PCDH15: variants seen among roughly 807,000 people sequenced by gnomAD.
PCDH15 encodes the protein protocadherin-15.
In PCDH15, 129 loss-of-function variants were observed where a neutral mutation model predicts 178.5. That is an observed-to-expected ratio of 0.72 (90% CI 0.63 to 0.84). The LOEUF (loss-of-function observed/expected upper bound fraction) is 0.84, where lower values mean the gene tolerates loss of function less well. PCDH15 is among the 40% of genes least tolerant of loss of function. The pLI is 0.00. For synonymous variants in PCDH15, 800 were observed against 732.0 expected, an observed-to-expected ratio of 1.09 and a Z score of -1.50; for missense variants, 2,230 against 2,099.9, an observed-to-expected ratio of 1.06 and a Z score of -1.21.
At chr10:55,611,705 C>G (rs905166780) in intron 2 of PCDH15, among the ~76,000 whole-genome samples, 2 of 152,000 alleles carry the variant, frequency 1.3e-5, no homozygotes, top group African/African-American at 4.8e-5. Context: ...TCAACACTTC[C>G]ATGTTCATTG....
At chr10:54,648,451 C>T (rs1267200287) in intron 2 of PCDH15, among the ~76,000 whole-genome samples, 1 of 152,104 alleles carries the variant, frequency 6.6e-6, no homozygotes, top group Non-Finnish European at 1.5e-5. Context: ...ATGAGATTTT[C>T]ATCTGTTTTG....
rs529144156 is a variant in PCDH15 at position 54,423,208 on chromosome 10, G to C, written c.158-44266C>G. 1.1e-4 allele frequency among the ~76,000 whole-genome samples: 17 copies of C among 152,162 alleles called. No homozygotes were observed. The East Asian group carries it at 3.3e-3, about 29-fold the overall frequency. On this transcript the variant is annotated intron_variant, in intron 3 of 37. Transcript: ENST00000644397. ...AGGGATTGACTTACCCAAACCAGAT[G>C]CTCCCCCTGCCAGCAGATCACTAGG...
intron 2 of PCDH15, among the ~76,000 whole-genome samples, chr10:55,556,700 G>A (rs1240458220): frequency 1.3e-5 from 2 of 152,082 alleles, no homozygotes; most frequent in Non-Finnish European, 1.5e-5. Flanking sequence ...TTATTTGGAT[G>A]TGGTGGCGCG....
chr10:54,314,659 T>G (rs1199530655), intron 8 of PCDH15, among the ~76,000 whole-genome samples: 2 of 152,086 alleles, frequency 1.3e-5, no homozygotes, highest in Non-Finnish European at 2.9e-5. Context: ...TACCCAATAG[T>G]CATCTTTTCT....
intron 1 of PCDH15, among the ~76,000 whole-genome samples, chr10:54,692,670 C>T (rs2095143489): frequency 7.6e-5 from 1 of 13,196 alleles, no homozygotes; most frequent in South Asian, 2.0e-3. Flanking sequence ...ATCCTTAAGC[C>T]ATTCTTAAAC....
At chr10:54,270,924 A>G (rs1488860500) in intron 8 of PCDH15, among the ~76,000 whole-genome samples, 4 of 152,174 alleles carry the variant, frequency 2.6e-5, no homozygotes, top group Admixed American at 1.3e-4. Context: ...TCAGATGGCA[A>G]TGGCTGCACT....
intron 20 of PCDH15, among the ~76,000 whole-genome samples, chr10:54,008,204 G>A (rs1202071595): frequency 2.0e-5 from 3 of 152,156 alleles, no homozygotes; most frequent in Non-Finnish European, 4.4e-5. Context: ...TAAATGTTAA[G>A]TTTTGCTTTA....
At chr10:55,254,406 C>T (rs1372538636) in intron 1 of PCDH15, among the ~76,000 whole-genome samples, 1 of 152,118 alleles carries the variant, frequency 6.6e-6, no homozygotes, top group African/African-American at 2.4e-5. Context: ...TCAATTACAG[C>T]AGCATCTAGA....
At chr10:54,866,197 T>G (rs1381452810) in intron 3 of PCDH15, among the ~76,000 whole-genome samples, 1 of 152,226 alleles carries the variant, frequency 6.6e-6, no homozygotes, top group African/African-American at 2.4e-5. Context: ...AAATTAGAAC[T>G]TTAATTCAAA....
chr10:54,869,437 T>C (rs1953996251), intron 3 of PCDH15, among the ~76,000 whole-genome samples: 1 of 152,138 alleles, frequency 6.6e-6, no homozygotes, highest in Non-Finnish European at 1.5e-5. Flanking sequence ...GGAAAAGTAA[T>C]ATTTGTTAAT....
chr10:54,299,967 T>C (rs185038332), intron 8 of PCDH15, among the ~76,000 whole-genome samples: 2 of 152,222 alleles, frequency 1.3e-5, no homozygotes, highest in African/African-American at 4.8e-5. Context: ...AAGTTAACAG[T>C]GTAATATGTA....
At position 54,345,960 on chromosome 10, in the gene PCDH15, G is replaced by A. The variant is rs145631582; in HGVS notation, c.594+405C>T. On this transcript the variant is annotated intron_variant, in intron 6 of 37. Transcript: ENST00000644397. Reference sequence around the variant, plus strand: ...ACTGGTGGACGGCTAGAAGTTTAAAGGCTTATCAACTCCAGCAATACTTGG... The same window carrying A: ...ACTGGTGGACGGCTAGAAGTTTAAAAGCTTATCAACTCCAGCAATACTTGG... Among the ~76,000 whole-genome samples the A allele has an allele frequency of 5.3e-5, 8 of 152,114 alleles. No individual in the cohort carries two copies. The East Asian group carries it at 9.7e-4, about 18-fold the overall frequency.
intron 18 of PCDH15, among the ~76,000 whole-genome samples, chr10:54,052,981 C>T (rs911729969): frequency 1.3e-5 from 2 of 152,154 alleles, no homozygotes; most frequent in Admixed American, 6.5e-5. Context: ...CATTTGCTTC[C>T]TCTTCCACCA....
At chr10:54,942,027 C>T (rs1255053089) in intron 2 of PCDH15, among the ~76,000 whole-genome samples, 1 of 152,134 alleles carries the variant, frequency 6.6e-6, no homozygotes, top group East Asian at 1.9e-4. Flanking sequence ...TTATTTTTGA[C>T]AATACTCTGG....
At chr10:53,828,515 C>T in intron 31 of PCDH15, 50 bp downstream of exon 31, 1 of 1,455,552 alleles carries the variant, frequency 6.9e-7, no homozygotes, top group South Asian at 1.1e-5. Context: ...TCTCGGGTTT[C>T]TCTTTTCCTA....
chr10:54,753,900 T>TG (rs1232313591), intron 1 of PCDH15, among the ~76,000 whole-genome samples: 4 of 38,266 alleles, frequency 1.0e-4, no homozygotes, highest in African/African-American at 1.7e-4. Context: ...TTGTGTTTTT[T>TG]TTTTTTTTTT....
intron 3 of PCDH15, among the ~76,000 whole-genome samples, chr10:54,403,000 C>T (rs763879327): frequency 1.3e-5 from 2 of 151,978 alleles, no homozygotes; most frequent in South Asian, 2.1e-4. Flanking sequence ...CGCTAGACAT[C>T]GTGCATCCAA....
At chr10:54,797,347 T>G (rs74416369) in intron 1 of PCDH15, among the ~76,000 whole-genome samples, 6,084 of 152,090 alleles carry the variant, frequency 0.04, 353 homozygotes, top group African/African-American at 0.14. Context: ...TAATGACTGC[T>G]TTTGCCTCTT....
At chr10:54,445,437 A>G (rs2076088165) in intron 3 of PCDH15, among the ~76,000 whole-genome samples, 2 of 151,536 alleles carry the variant, frequency 1.3e-5, no homozygotes, top group Non-Finnish European at 3.0e-5. Context: ...GCTACTGTAC[A>G]CAACGCAAGA....
Sources: gnomAD v4.1 joint callset for allele counts (sites outside exome capture counted in the v4.1 genomes callset) on GRCh38, gnomAD v4.1.1 for gene constraint, MANE v1.5 for transcripts, NCBI Gene and HGNC (gene_info 2026-07-23, HGNC 2026-07-21) for gene names.